Variants in BCAS3 observed in about 807,000 individuals in gnomAD.
BCAS3 encodes BCAS4/BCAS3 fusion.
BCAS3 carries 53 observed loss-of-function variants against 116.1 expected under a neutral mutation model. The observed-to-expected ratio is 0.46, with a 90% CI of 0.37 to 0.57. The LOEUF (loss-of-function observed/expected upper bound fraction) is 0.57, where lower values mean the gene tolerates loss of function less well. Among genes scored for constraint, BCAS3 ranks in the 20% least tolerant of loss-of-function variants. The probability of loss-of-function intolerance (pLI) is 0.00; values close to 1 mark genes in which losing one functional copy is unlikely to be tolerated. For missense variants in BCAS3, 917 were observed against 1,165.4 expected (o/e 0.79, Z 3.10); for synonymous variants, 391 against 408.2 (o/e 0.96, Z 0.51).
In BCAS3 at chr17:61,015,801, G is replaced by A; in HGVS notation, c.1537G>A (p.Gly513Ser). 1.2e-6 allele frequency: 2 copies of A among 1,613,908 alleles called. No individual in the cohort carries two copies. Among genetic ancestry groups the A allele is most frequent in the Non-Finnish European group, 1.7e-6 (2 of 1,179,924 alleles). Residue 513 changes from glycine (G) to serine (S), a missense_variant, in exon 16 of 24, where the codon GGC becomes AGC. This residue lies in a region of BCAS3 where 807 missense variants were observed against 1,026.0 expected (regional missense o/e 0.79). Coordinates refer to ENST00000407086, the MANE Select transcript of BCAS3 (RefSeq NM_017679.5). ...SYNNFTNNNP[G>S]NPRLSPLPSL... is the part of the protein sequence containing the mutation. ...TAACAATTTTACCAACAACAACCCT[G>A]GCAACCCTCGGCTCTCTCCTCTTCC... is the stretch of plus-strand genomic sequence containing the variant.
At chr17:61,127,151 G>C (rs1460344193) in intron 22 of BCAS3, among the ~76,000 whole-genome samples, 1 of 152,038 alleles carries the variant, frequency 6.6e-6, no homozygotes, top group Admixed American at 6.6e-5. Flanking sequence ...GGTAATATTT[G>C]GTCTTCGCAA....
intron 6 of BCAS3, among the ~76,000 whole-genome samples, chr17:60,793,831 C>T (rs968068598): frequency 6.6e-6 from 1 of 152,062 alleles, no homozygotes; most frequent in Non-Finnish European, 1.5e-5. Context: ...TGGGTTGGCT[C>T]CATGATTTTG....
At chr17:60,729,965 G>GT (rs1255695442) in intron 5 of BCAS3, among the ~76,000 whole-genome samples, 1 of 152,192 alleles carries the variant, frequency 6.6e-6, no homozygotes, top group Non-Finnish European at 1.5e-5. Flanking sequence ...AGTCTGAGTG[G>GT]TTTTACATTA....
At position 60,924,452 on chromosome 17, in the gene BCAS3, T is replaced by A; in HGVS notation, c.1039T>A (p.Phe347Ile). Residue 347 changes from phenylalanine to isoleucine, a missense_variant, in exon 13 of 24, where the codon TTC becomes ATC. Phe to Ile is a conservative substitution (Grantham distance 21, BLOSUM62 0). This residue lies in a region of BCAS3 where 807 missense variants were observed against 1,026.0 expected (regional missense o/e 0.79). Transcript: ENST00000407086. Reference protein sequence around the residue: ...DSDSDGIVAHFPAHEKPVCCM... With the variant: ...DSDSDGIVAHIPAHEKPVCCM... ...TGACAGTGATGGCATTGTGGCCCACTTCCCTGCCCATGAGAAGCCAGTGTG... is the reference window on the plus strand; with the variant it reads ...TGACAGTGATGGCATTGTGGCCCACATCCCTGCCCATGAGAAGCCAGTGTG... 3 of 1,613,744 alleles carry A rather than the reference T, an allele frequency of 1.9e-6. No homozygotes were observed. Among genetic ancestry groups the A allele is most frequent in the Non-Finnish European group, 2.5e-6 (3 of 1,179,798 alleles).
In BCAS3 at chr17:60,874,751, T is replaced by A. The variant is rs369969114; in HGVS notation, c.661+13T>A. ...TTCTTTGTTACAAGTATGTACCAATTTTTTTTCCCTTCTTATGCCTTTGGG... is the reference window on the plus strand; with the variant it reads ...TTCTTTGTTACAAGTATGTACCAATATTTTTTCCCTTCTTATGCCTTTGGG... On this transcript the variant is annotated intron_variant, in intron 9 of 23. Coordinates refer to ENST00000407086, the MANE Select transcript of BCAS3 (RefSeq NM_017679.5). The A allele has an allele frequency of 5.7e-6, 9 of 1,585,360 alleles. No homozygotes were observed. The Admixed American group carries it at 1.4e-4, about 24-fold the overall frequency.
chr17:60,811,605 G>A (rs536684088), intron 7 of BCAS3: 45 of 328,020 alleles, frequency 1.4e-4, no homozygotes, highest in African/African-American at 9.2e-4. Context: ...TATTATAAAT[G>A]TGTTCTAAGA....
chr17:61,164,490 A>G (rs1406018230), intron 22 of BCAS3, among the ~76,000 whole-genome samples: 2 of 152,108 alleles, frequency 1.3e-5, no homozygotes, highest in Non-Finnish European at 2.9e-5. Flanking sequence ...CCCCATCCCT[A>G]CCAAAAAAAA....
At chr17:61,274,469 A>C (rs936708920) in intron 22 of BCAS3, among the ~76,000 whole-genome samples, 14 of 151,598 alleles carry the variant, frequency 9.2e-5, no homozygotes, top group Non-Finnish European at 2.1e-4. Context: ...TTGTATTTTT[A>C]GTAGAGATGG....
intron 5 of BCAS3, among the ~76,000 whole-genome samples, chr17:60,726,003 C>T (rs1007186114): frequency 1.9e-4 from 29 of 152,090 alleles, no homozygotes; most frequent in African/African-American, 6.5e-4. Flanking sequence ...TCAAGCGATT[C>T]TCCTGCCTCA....
intron 22 of BCAS3, among the ~76,000 whole-genome samples, chr17:61,288,496 C>G (rs962271582): frequency 1.3e-5 from 2 of 152,294 alleles, no homozygotes; most frequent in East Asian, 3.9e-4. Context: ...CATGCACTTT[C>G]TACTTCAGAT....
intron 23 of BCAS3, among the ~76,000 whole-genome samples, chr17:61,371,600 G>A (rs1021287295): frequency 1.3e-5 from 2 of 152,322 alleles, no homozygotes; most frequent in Admixed American, 6.5e-5. Context: ...AAAATGTTAA[G>A]TATGTGAGGT....
At chr17:60,769,673 T>A (rs1189350379) in intron 6 of BCAS3, among the ~76,000 whole-genome samples, 1 of 152,192 alleles carries the variant, frequency 6.6e-6, no homozygotes, top group Non-Finnish European at 1.5e-5. Flanking sequence ...GGCAGTGGGA[T>A]TTGTCCTTGG....
intron 22 of BCAS3, among the ~76,000 whole-genome samples, chr17:61,299,394 G>A (rs1434011462): frequency 6.9e-6 from 1 of 144,250 alleles, no homozygotes; most frequent in Non-Finnish European, 1.5e-5. Flanking sequence ...AGTGAGCTGA[G>A]GTTGCACCAT....
chr17:61,275,528 ATC>A (rs1418269193), intron 22 of BCAS3, among the ~76,000 whole-genome samples: 9 of 151,254 alleles, frequency 6.0e-5, no homozygotes, highest in Admixed American at 5.9e-4. Flanking sequence ...CTCAGCCAGG[ATC>A]TCACCTTGTC....
intron 22 of BCAS3, among the ~76,000 whole-genome samples, chr17:61,299,682 C>T (rs1217361794): frequency 6.6e-6 from 1 of 152,030 alleles, no homozygotes; most frequent in Non-Finnish European, 1.5e-5. Flanking sequence ...TAGTTGCTTA[C>T]CTGTGGTCAC....
In BCAS3 at chr17:60,857,028, A is replaced by G. The variant is rs191366457; in HGVS notation, c.477-11548A>G. On this transcript the variant is annotated intron_variant, in intron 7 of 23. Coordinates refer to ENST00000407086, the MANE Select transcript of BCAS3 (RefSeq NM_017679.5). ...TCCTTTATGGGTATGGGTCAAATGTACAGTAGGTAACAGATTGTTCTGATA... is the reference window on the plus strand; with the variant it reads ...TCCTTTATGGGTATGGGTCAAATGTGCAGTAGGTAACAGATTGTTCTGATA... Among the ~76,000 whole-genome samples, 186 of 152,330 alleles carry G rather than the reference A, an allele frequency of 1.2e-3. 1 individual carries two copies. Among genetic ancestry groups the G allele is most frequent in the Non-Finnish European group, 2.2e-3 (150 of 68,042 alleles).
intron 22 of BCAS3, among the ~76,000 whole-genome samples, chr17:61,114,654 G>C (rs2075309128): frequency 1.3e-5 from 2 of 152,156 alleles, no homozygotes; most frequent in South Asian, 4.2e-4. Context: ...CGTGAAAATG[G>C]CCATACTGCC....
Position 61,259,961 on chromosome 17 carries a change from T to C in BCAS3, c.2426-108366T>C, listed in dbSNP as rs962685774. On this transcript the variant is annotated intron_variant, in intron 22 of 23. Transcript: ENST00000407086. The surrounding 1 kb of genome is among the most constrained non-coding windows in gnomAD (Gnocchi z 4.7). ...TTGAATTGCTGTGTGAGGTAGGCGTTGTACAGGCTGCCTAACATAGTTTTT... is the reference window on the plus strand; with the variant it reads ...TTGAATTGCTGTGTGAGGTAGGCGTCGTACAGGCTGCCTAACATAGTTTTT... 2.6e-5 allele frequency among the ~76,000 whole-genome samples: 4 copies of C among 152,240 alleles called. No individual in the cohort carries two copies. The highest frequency in any genetic ancestry group is 9.6e-5 in the African/African-American group (4 of 41,454).
At position 60,808,596 on chromosome 17, in the gene BCAS3, T is replaced by C. The variant is rs78112331; in HGVS notation, c.476+520T>C. 2.0e-3 allele frequency among the ~76,000 whole-genome samples: 307 copies of C among 152,314 alleles called. 2 individuals carry two copies. In the East Asian group the frequency reaches 0.048, roughly 24 times the overall value. The stretch of plus-strand genomic sequence containing the variant: ...TTCCTAATGGTACTGTTTGACTTCA[T>C]AGGCTACAAGACAAATTTCTTCAAG... On this transcript the variant is annotated intron_variant, in intron 7 of 23. Coordinates refer to ENST00000407086, the MANE Select transcript of BCAS3 (RefSeq NM_017679.5).
Sources: gnomAD v4.1 joint callset for allele counts (sites outside exome capture counted in the v4.1 genomes callset) on GRCh38, gnomAD v4.1.1 for gene constraint, gnomAD v4.1.1 regional missense constraint, Gnocchi (gnomAD v3.1) non-coding constraint, MANE v1.5 for transcripts, NCBI Gene and HGNC (gene_info 2026-07-23, HGNC 2026-07-21) for gene names.